The following GALNTL6 variants were observed in gnomAD, a reference collection of about 807,000 sequenced individuals.
GALNTL6 encodes polypeptide N-acetylgalactosaminyltransferase like 6.
GALNTL6 carries 46 observed loss-of-function variants against 73.7 expected under a neutral mutation model. The observed-to-expected ratio is 0.62, with a 90% CI of 0.49 to 0.80. The LOEUF is 0.80. Ranked by LOEUF, GALNTL6 falls within the 30% of genes least tolerant of loss-of-function variation. The pLI is 0.00. For missense variants in GALNTL6, 604 were observed against 755.0 expected, an observed-to-expected ratio of 0.80 and a Z score of 2.34; for synonymous variants, 259 against 263.7, an observed-to-expected ratio of 0.98 and a Z score of 0.17.
intron 2 of GALNTL6, among the ~76,000 whole-genome samples, chr4:172,139,308 T>C (rs916687445): frequency 2.6e-5 from 4 of 152,218 alleles, no homozygotes; most frequent in African/African-American, 9.6e-5. Flanking sequence ...ACATTGAATA[T>C]ACTTTTTAAA....
At chr4:171,920,952 C>T (rs896127079) in intron 2 of GALNTL6, among the ~76,000 whole-genome samples, 7 of 151,958 alleles carry the variant, frequency 4.6e-5, no homozygotes, top group South Asian at 2.1e-4. Flanking sequence ...GTATTGTATG[C>T]GCATTGTAAA....
intron 5 of GALNTL6, among the ~76,000 whole-genome samples, chr4:172,561,088 C>CT: frequency 6.6e-6 from 1 of 151,262 alleles, no homozygotes; most frequent in East Asian, 2.0e-4. Context: ...CCCATCTCTA[C>CT]TAAAAATACA....
chr4:172,293,586 C>G (rs918279536), intron 3 of GALNTL6, among the ~76,000 whole-genome samples: 1 of 152,054 alleles, frequency 6.6e-6, no homozygotes, highest in African/African-American at 2.4e-5. Context: ...GAAACACCAG[C>G]ACTGACCTCT....
chr4:172,237,334 AT>A (rs1219629515), intron 3 of GALNTL6, among the ~76,000 whole-genome samples: 1 of 152,150 alleles, frequency 6.6e-6, no homozygotes, highest in Non-Finnish European at 1.5e-5. Flanking sequence ...ATTAGCAGTG[AT>A]TAGTGATCAC....
chr4:172,680,823 A>G (rs1042300859), intron 5 of GALNTL6, among the ~76,000 whole-genome samples: 10 of 152,228 alleles, frequency 6.6e-5, no homozygotes. Flanking sequence ...ATTGAAGTGC[A>G]TGATTCCCTG....
intron 5 of GALNTL6, among the ~76,000 whole-genome samples, chr4:172,421,857 A>T (rs908586404): frequency 6.6e-6 from 1 of 152,094 alleles, no homozygotes; most frequent in Non-Finnish European, 1.5e-5. Context: ...AATAGTTGTC[A>T]TGTTTATAAA....
chr4:172,192,959 G>T (rs1338957047), intron 2 of GALNTL6, among the ~76,000 whole-genome samples: 1 of 152,198 alleles, frequency 6.6e-6, no homozygotes, highest in Non-Finnish European at 1.5e-5. Context: ...AGCAGGTAGG[G>T]CTTCCCTGTG....
At position 172,300,391 on chromosome 4, in the gene GALNTL6, G is replaced by A. The variant is rs369397454; in HGVS notation, c.248-11223G>A. Among the ~76,000 whole-genome samples, 260 of 152,254 alleles carry A rather than the reference G, an allele frequency of 1.7e-3. 1 individual carries two copies. Among genetic ancestry groups the A allele is most frequent in the Middle Eastern group, 3.4e-3 (1 of 294 alleles). ...TTACATTTAAGGTTAATATTGTTAT[G>A]TGTGAATTTGATCCTGTCATTATGA... On this transcript the variant is annotated intron_variant, in intron 3 of 12. Transcript: ENST00000506823.
rs59600589 is a variant in GALNTL6, at chr4:171,844,606, G to A, written c.138+29888G>A. Among the ~76,000 whole-genome samples the A allele has an allele frequency of 6.2e-3, 948 of 152,220 alleles. 13 individuals carry two copies. The highest frequency in any genetic ancestry group is 0.021 in the African/African-American group (877 of 41,542). ...ACAGTTCGTTGATGTGACAGATTAC[G>A]AAGGTGGAACAGCAGATATGACCAG... On this transcript the variant is annotated intron_variant, in intron 2 of 12. Transcript: ENST00000506823.
chr4:172,643,745 A>G (rs1042121105), intron 5 of GALNTL6, among the ~76,000 whole-genome samples: 1 of 151,966 alleles, frequency 6.6e-6, no homozygotes, highest in Non-Finnish European at 1.5e-5. Context: ...CACAGTTGTA[A>G]TTCATTCATT....
At chr4:172,051,454 T>C (rs994199655) in intron 2 of GALNTL6, among the ~76,000 whole-genome samples, 18 of 152,068 alleles carry the variant, frequency 1.2e-4, no homozygotes, top group African/African-American at 4.3e-4. Context: ...AGTGGTTGCA[T>C]TGGCTCTCAG....
chr4:172,211,894 C>A (rs1230111417), intron 2 of GALNTL6, among the ~76,000 whole-genome samples: 1 of 152,146 alleles, frequency 6.6e-6, no homozygotes, highest in Non-Finnish European at 1.5e-5. Flanking sequence ...ATGACTTAAT[C>A]ATTCCCCAAA....
chr4:172,074,689 C>CT (rs1731650913), intron 2 of GALNTL6, among the ~76,000 whole-genome samples: 1 of 152,104 alleles, frequency 6.6e-6, no homozygotes, highest in African/African-American at 2.4e-5. Context: ...TGTCCCTACC[C>CT]TTCTTATAAA....
intron 4 of GALNTL6, among the ~76,000 whole-genome samples, chr4:172,347,563 T>G (rs1741792980): frequency 6.6e-6 from 1 of 152,174 alleles, no homozygotes; most frequent in Admixed American, 6.5e-5. Flanking sequence ...ATGCTGAATT[T>G]CATTAACACT....
intron 2 of GALNTL6, among the ~76,000 whole-genome samples, chr4:171,999,787 G>A (rs752151125): frequency 2.4e-4 from 37 of 151,928 alleles, no homozygotes; most frequent in South Asian, 4.1e-4. Flanking sequence ...CTTGTATTGT[G>A]CTGTAAAGTC....
intron 3 of GALNTL6, among the ~76,000 whole-genome samples, chr4:172,279,441 A>G (rs1738950856): frequency 6.6e-6 from 1 of 152,170 alleles, no homozygotes; most frequent in Non-Finnish European, 1.5e-5. Context: ...TATACAAAAT[A>G]TCAATAAGCA....
intron 5 of GALNTL6, among the ~76,000 whole-genome samples, chr4:172,546,658 A>G (rs568455211): frequency 3.2e-4 from 48 of 150,632 alleles, no homozygotes; most frequent in Non-Finnish European, 5.8e-4. Flanking sequence ...TCCTTTACAC[A>G]TGCCACTTCT....
intron 3 of GALNTL6, among the ~76,000 whole-genome samples, chr4:172,303,265 T>A (rs1740005396): frequency 6.6e-6 from 1 of 152,184 alleles, no homozygotes; most frequent in African/African-American, 2.4e-5. Context: ...CCCAAAGTGC[T>A]GGGATTACAG....
At chr4:172,704,074 G>A (rs1734185135) in intron 5 of GALNTL6, among the ~76,000 whole-genome samples, 1 of 151,470 alleles carries the variant, frequency 6.6e-6, no homozygotes, top group African/African-American at 2.4e-5. Context: ...ATTTATTTGG[G>A]TTTTCTCTCA....
Sources: allele counts gnomAD v4.1 joint callset (sites outside exome capture counted in the v4.1 genomes callset), GRCh38; gene constraint gnomAD v4.1.1; transcripts MANE v1.5; gene names NCBI Gene and HGNC (gene_info 2026-07-23, HGNC 2026-07-21).